The following TSC22D1 variants were observed in gnomAD, a reference collection of about 807,000 sequenced individuals.
The protein encoded by TSC22D1 is TSC22 domain family protein 1.
A neutral mutation model predicts 74.2 loss-of-function variants in TSC22D1; 9 were observed. The ratio of observed to expected loss-of-function variants is 0.12; its 90% CI spans 0.07 to 0.21. The LOEUF (loss-of-function observed/expected upper bound fraction) is 0.21, where lower values mean the gene tolerates loss of function less well. Ranked by LOEUF, TSC22D1 falls within the 10% of genes least tolerant of loss-of-function variation. TSC22D1 has a pLI of 1.00. For synonymous variants in TSC22D1, 586 were observed against 492.5 expected (o/e 1.19, Z -2.51); for missense variants, 1,427 against 1,304.7 (o/e 1.09, Z -1.44).
At chr13:44,540,551 T>C (rs1367344917) in intron 1 of TSC22D1, among the ~76,000 whole-genome samples, 2 of 152,156 alleles carry the variant, frequency 1.3e-5, no homozygotes, top group Admixed American at 1.3e-4. Flanking sequence ...GCTTTAAAAC[T>C]GGGAAGGCAG....
At chr13:44,529,349 A>C (rs1233929622) in intron 1 of TSC22D1, among the ~76,000 whole-genome samples, 1 of 152,092 alleles carries the variant, frequency 6.6e-6, no homozygotes, top group East Asian at 1.9e-4. Context: ...AATGCAGAAA[A>C]AGCACATGAC....
chr13:44,492,217 GCT>G (rs1878760131), intron 1 of TSC22D1, among the ~76,000 whole-genome samples: 1 of 152,080 alleles, frequency 6.6e-6, no homozygotes, highest in Non-Finnish European at 1.5e-5. Flanking sequence ...GAACATCATA[GCT>G]TAGCCTAGCC....
intron 1 of TSC22D1, among the ~76,000 whole-genome samples, chr13:44,475,808 A>C (rs1877878870): frequency 6.6e-6 from 1 of 152,198 alleles, no homozygotes; most frequent in South Asian, 2.1e-4. Flanking sequence ...ATATTTCCTC[A>C]AATAAAACTC....
intron 1 of TSC22D1, among the ~76,000 whole-genome samples, chr13:44,454,932 A>C (rs767016791): frequency 6.6e-6 from 1 of 152,196 alleles, no homozygotes; most frequent in Non-Finnish European, 1.5e-5. Flanking sequence ...TTTTTTTAAA[A>C]TAATAAAAAT....
chr13:44,529,882 C>A (rs1880737788), intron 1 of TSC22D1, among the ~76,000 whole-genome samples: 1 of 151,672 alleles, frequency 6.6e-6, no homozygotes, highest in Admixed American at 6.6e-5. Flanking sequence ...CATATAAGGT[C>A]TATATAAGGA....
intron 1 of TSC22D1, among the ~76,000 whole-genome samples, chr13:44,515,144 A>C (rs1227948342): frequency 6.6e-6 from 1 of 152,096 alleles, no homozygotes; most frequent in Non-Finnish European, 1.5e-5. Context: ...TTAACTTATG[A>C]ATATATATAT....
At chr13:44,437,051 C>A in intron 1 of TSC22D1, 1 of 977,068 alleles carries the variant, frequency 1.0e-6, no homozygotes, top group Non-Finnish European at 1.2e-6. Context: ...GCGGGCCGTG[C>A]TCAGAGGGAG....
intron 1 of TSC22D1, among the ~76,000 whole-genome samples, chr13:44,564,307 A>G (rs1883228817): frequency 6.6e-6 from 1 of 152,220 alleles, no homozygotes; most frequent in Non-Finnish European, 1.5e-5. Context: ...CCTATTCAAG[A>G]AGCTTAAAAT....
intron 1 of TSC22D1, among the ~76,000 whole-genome samples, chr13:44,505,237 G>C (rs1004994858): frequency 1.3e-5 from 2 of 152,106 alleles, no homozygotes; most frequent in Non-Finnish European, 2.9e-5. Flanking sequence ...GAGTCAGCCT[G>C]AGCAACAAAG....
At chr13:44,455,887 T>G (rs964406871) in intron 1 of TSC22D1, among the ~76,000 whole-genome samples, 3 of 152,166 alleles carry the variant, frequency 2.0e-5, no homozygotes, top group Non-Finnish European at 2.9e-5. Context: ...TTCAATAGTT[T>G]TTCAAAGCTG....
chr13:44,547,006 C>A (rs947087222), intron 1 of TSC22D1, among the ~76,000 whole-genome samples: 1 of 151,998 alleles, frequency 6.6e-6, no homozygotes, highest in South Asian at 2.1e-4. Flanking sequence ...AAGTAATGTG[C>A]CTGCCTCAGT....
At chr13:44,520,318 T>C (rs1880250504) in intron 1 of TSC22D1, among the ~76,000 whole-genome samples, 1 of 152,152 alleles carries the variant, frequency 6.6e-6, no homozygotes, top group South Asian at 2.1e-4. Flanking sequence ...GAAGAGAGAA[T>C]GTAGTCTACT....
chr13:44,499,067 G>C (rs1211301689), intron 1 of TSC22D1, among the ~76,000 whole-genome samples: 1 of 152,096 alleles, frequency 6.6e-6, no homozygotes, highest in Non-Finnish European at 1.5e-5. Flanking sequence ...TTAACTAACT[G>C]TTCTCTCCCT....
At position 44,496,819 on chromosome 13, in the gene TSC22D1, C is replaced by G. The variant is rs933285827; in HGVS notation, c.2913-60724G>C. 2.0e-5 allele frequency among the ~76,000 whole-genome samples: 3 copies of G among 152,186 alleles called. No individual in the cohort carries two copies. In the South Asian group the frequency reaches 6.2e-4, roughly 32 times the overall value. ...GTGTGAGGCTACTACTGCACTCCAG[C>G]CTGGACAACAAAGTGAGACTCTGTC... On this transcript the variant is annotated intron_variant, in intron 1 of 2. Transcript: ENST00000458659.
At chr13:44,551,792 T>C (rs778154180) in intron 1 of TSC22D1, among the ~76,000 whole-genome samples, 4 of 152,066 alleles carry the variant, frequency 2.6e-5, no homozygotes, top group Non-Finnish European at 5.9e-5. Context: ...TCCCAACACT[T>C]TGGGAGACTG....
chr13:44,536,784 A>G (rs1055692245), intron 1 of TSC22D1: 1 of 984,924 alleles, frequency 1.0e-6, no homozygotes, highest in Non-Finnish European at 1.2e-6. Flanking sequence ...TGCATCTAAA[A>G]AAGTCCAATT....
At chr13:44,534,223 C>T (rs56323420) in intron 1 of TSC22D1, among the ~76,000 whole-genome samples, 1 of 141,062 alleles carries the variant, frequency 7.1e-6, no homozygotes. Flanking sequence ...AAGACCCTGT[C>T]TCAAGGAGAA....
chr13:44,491,261 T>C (rs772098185), intron 1 of TSC22D1, among the ~76,000 whole-genome samples: 15 of 151,978 alleles, frequency 9.9e-5, no homozygotes, highest in Non-Finnish European at 2.1e-4. Context: ...ACCTGAAGAT[T>C]AGTATCCAGA....
intron 1 of TSC22D1, among the ~76,000 whole-genome samples, chr13:44,494,291 G>T (rs190084313): frequency 7.3e-6 from 1 of 137,116 alleles, no homozygotes; most frequent in Non-Finnish European, 1.5e-5. Flanking sequence ...CAGGAGAATC[G>T]CTTGAACCCA....
Sources: allele counts gnomAD v4.1 joint callset (sites outside exome capture counted in the v4.1 genomes callset), GRCh38; gene constraint gnomAD v4.1.1; transcripts MANE v1.5; gene names NCBI Gene and HGNC (gene_info 2026-07-23, HGNC 2026-07-21).